SPATA31C2: variants seen among roughly 807,000 people sequenced by gnomAD.
SPATA31C2 encodes the protein SPATA31 subfamily C member 2, also known as spermatogenesis-associated protein 31C2.
In SPATA31C2, 5 loss-of-function variants were observed where a neutral mutation model predicts 11.4. The ratio of observed to expected loss-of-function variants is 0.44; its 90% CI spans 0.23 to 0.92. The LOEUF (loss-of-function observed/expected upper bound fraction) is 0.92, where lower values mean the gene tolerates loss of function less well. SPATA31C2 is among the 40% of genes least tolerant of loss of function. SPATA31C2 has a pLI of 0.24. For synonymous variants in SPATA31C2, 515 were observed against 538.7 expected, an observed-to-expected ratio of 0.96 and a Z score of 0.61; for missense variants, 1,353 against 1,368.6, an observed-to-expected ratio of 0.99 and a Z score of 0.18.
At chr9:88,132,756 T>A (rs754399581) in intron 3 of SPATA31C2, 46 bp from the exon 4 acceptor site, 157 of 1,571,690 alleles carry the variant, frequency 1.0e-4, no homozygotes, top group Non-Finnish European at 1.3e-4. Context: ...GCAGATGGGT[T>A]CGGAGGGCAG....
At chr9:88,135,313 G>T (rs1825665732) in intron 1 of SPATA31C2, among the ~76,000 whole-genome samples, 1 of 111,032 alleles carries the variant, frequency 9.0e-6, no homozygotes, top group Non-Finnish European at 1.6e-5. Flanking sequence ...ATCTGTAGTT[G>T]ACTCTGAAAT....
intron 1 of SPATA31C2, among the ~76,000 whole-genome samples, chr9:88,134,404 C>T (rs1231442498): frequency 6.7e-6 from 1 of 150,168 alleles, no homozygotes; most frequent in East Asian, 2.1e-4. Context: ...AGCCACCTGC[C>T]CCAGGAAGGG....
rs2118714452 is a variant in SPATA31C2 at position 88,132,570 on chromosome 9, G to A, written c.467C>T (p.Ser156Phe). Residue 156 changes from serine (S) to phenylalanine (F), a missense_variant, in exon 4 of 4, where the codon TCC (serine) becomes TTC (phenylalanine). Ser to Phe is a radical substitution (Grantham distance 155). Around this residue, in one of 6 missense-constraint regions of SPATA31C2, gnomAD observed 1,075 missense variants for 992.8 expected, o/e 1.08. Transcript: ENST00000324915. ...EPTEDAAPIVSPLASPDPRTK... is the reference protein window; with the variant it reads ...EPTEDAAPIVFPLASPDPRTK... Reference sequence around the variant, plus strand: ...TCGAGGATCCGGGGAAGCTAACGGGGAGACAATGGGAGCAGCGTCTTCCGT... The same window carrying A: ...TCGAGGATCCGGGGAAGCTAACGGGAAGACAATGGGAGCAGCGTCTTCCGT... 6.2e-7 allele frequency: 1 copy of A among 1,610,560 alleles called. No individual in the cohort carries two copies. Among genetic ancestry groups the A allele is most frequent in the Middle Eastern group, 1.7e-4 (1 of 6,044 alleles).
chr9:88,130,787 A>C lies in SPATA31C2; in HGVS notation c.2250T>G (p.Ser750=). 6.2e-7 allele frequency: 1 copy of C among 1,613,070 alleles called. No homozygotes were observed. Among genetic ancestry groups the C allele is most frequent in the Non-Finnish European group, 8.5e-7 (1 of 1,179,866 alleles). ...QFQRAPRGIP[S]SNDHGSLKAP... ...CCTTCAAGGACCCATGATCATTCGA[A>C]GATGGGATCCCTCGCGGGGCCCTCT... Residue 750 remains serine, a synonymous_variant, in exon 4 of 4, where the codon TCT becomes TCG. Transcript: ENST00000324915.
chr9:88,136,714 C>A (rs1276191450), intron 1 of SPATA31C2, among the ~76,000 whole-genome samples: 3 of 139,486 alleles, frequency 2.2e-5, no homozygotes, highest in Admixed American at 8.0e-5. Flanking sequence ...CCTCCATCTT[C>A]ATATCTGACC....
Position 88,132,491 on chromosome 9 carries a change from G to A in SPATA31C2, c.546C>T (p.Thr182=). The change falls in exon 4 of 4, where the codon ACC becomes ACT. Residue 182 remains threonine (T), a synonymous_variant. Coordinates refer to ENST00000324915, the MANE Select transcript of SPATA31C2 (RefSeq NM_001350978.3). ...ASTPPPGPMT[T]SVSSLSASQP... ...GGGAGGCACTTAGGGAGGAGACTGA[G>A]GTGGTCATTGGGCCTGGTGGTGGGG... 1 of 1,611,048 alleles carries A rather than the reference G, an allele frequency of 6.2e-7. No homozygotes were observed. Among genetic ancestry groups the A allele is most frequent in the Non-Finnish European group, 8.5e-7 (1 of 1,178,000 alleles).
Position 88,137,468 on chromosome 9 carries a change from A to G in SPATA31C2, c.189+790T>C, listed in dbSNP as rs628148. Among the ~76,000 whole-genome samples the G allele has an allele frequency of 7.7e-4, 112 of 145,374 alleles. 7 individuals are homozygous for G. Among genetic ancestry groups the G allele is most frequent in the Middle Eastern group, 3.5e-3 (1 of 282 alleles). On this transcript the variant is annotated intron_variant, in intron 1 of 3. Coordinates refer to ENST00000324915, the MANE Select transcript of SPATA31C2 (RefSeq NM_001350978.3). ...GAAACCCCATCTCTACTAAAAATAC[A>G]AAAATTAGCCAGGCGTGGTGGCGGG...
At position 88,132,200 on chromosome 9, in the gene SPATA31C2, T is replaced by G. The variant is rs746198492; in HGVS notation, c.837A>C (p.Ser279=). ...AGGAGAGGGCAGAAACTTGACTGTT[T>G]GAGCCGCCAAGGCCTGAGATGCCTG... The part of the protein sequence containing the change: ...SVPGISGLGG[S]NSQVSALSWS... The change falls in exon 4 of 4, where the codon TCA becomes TCC. Residue 279 remains serine, a synonymous_variant. Coordinates refer to ENST00000324915, the MANE Select transcript of SPATA31C2 (RefSeq NM_001350978.3). 2 of 1,610,612 alleles carry G rather than the reference T, an allele frequency of 1.2e-6. No homozygotes were observed. The highest frequency in any genetic ancestry group is 1.1e-5 in the South Asian group (1 of 91,024).
chr9:88,131,841 C>T lies in SPATA31C2; in HGVS notation c.1196G>A (p.Arg399Lys), dbSNP rs766590396. ...TTCTAGTTGTTTCTTCAACAAAGGC[C>T]TTTCAGGGTGCTGAGTTTCAGGTAG... ...LSLPETQHPE[R>K]PLLKKQLEGG... Residue 399 changes from arginine to lysine, a missense_variant, in exon 4 of 4, where the codon AGG (arginine) becomes AAG (lysine). Physicochemically the swap from Arg to Lys is conservative, Grantham distance 26. This residue lies in a region of SPATA31C2 where 1,075 missense variants were observed against 992.8 expected (regional missense o/e 1.08). Transcript: ENST00000324915. The T allele has an allele frequency of 1.9e-6, 3 of 1,611,370 alleles. No homozygotes were observed. Among genetic ancestry groups the T allele is most frequent in the East Asian group, 2.2e-5 (1 of 44,840 alleles).
chr9:88,137,347 G>T (rs1034893362), intron 1 of SPATA31C2, among the ~76,000 whole-genome samples: 2 of 146,696 alleles, frequency 1.4e-5, no homozygotes, highest in African/African-American at 5.0e-5. Context: ...AGGATCAGCC[G>T]GGCGCGGTGG....
rs779436981 is a variant in SPATA31C2 at position 88,132,626 on chromosome 9, A to G, written c.411T>C (p.Pro137=). 1.9e-6 allele frequency: 3 copies of G among 1,609,706 alleles called. No homozygotes were observed. The highest frequency in any genetic ancestry group is 4.5e-5 in the East Asian group (2 of 44,626). ...DPPGEVGKRT[P]DGASRSSHEP... The stretch of plus-strand genomic sequence containing the variant: ...CATGAGAGGACCGGGAGGCTCCATC[A>G]GGTGTTCTTTTGCCCACCTCACCTG... Residue 137 remains proline, a synonymous_variant, in exon 4 of 4, where the codon CCT becomes CCC. Transcript: ENST00000324915.
rs480946 is a variant in SPATA31C2, at chr9:88,131,866, G to A, written c.1171C>T (p.Leu391=). The A allele has an allele frequency of 3.4e-5, 55 of 1,610,788 alleles. 1 individual carries two copies. Among genetic ancestry groups the A allele is most frequent in the South Asian group, 2.3e-4 (21 of 90,952 alleles). The change falls in exon 4 of 4, where the codon CTA becomes TTA. Residue 391 remains leucine (L), a synonymous_variant. Transcript: ENST00000324915. ...CTTTCAGGGTGCTGAGTTTCAGGTA[G>A]GGAGAGAGCTTGCACTTTATTCTGC... is the stretch of plus-strand genomic sequence containing the variant. The part of the protein sequence containing the change: ...ASQNKVQALS[L]PETQHPERPL...
Position 88,130,981 on chromosome 9 carries a change from C to G in SPATA31C2, c.2056G>C (p.Ala686Pro). 1 of 1,612,634 alleles carries G rather than the reference C, an allele frequency of 6.2e-7. No individual in the cohort carries two copies. Among genetic ancestry groups the G allele is most frequent in the Non-Finnish European group, 8.5e-7 (1 of 1,179,874 alleles). Residue 686 changes from alanine (A) to proline (P), a missense_variant, in exon 4 of 4, where the codon GCT becomes CCT. By Grantham distance (27) the Ala-to-Pro change is conservative. Transcript: ENST00000324915. ...KVSSLSLIQL[A>P]GPSSDTCESG... is the part of the protein sequence containing the mutation. The stretch of plus-strand genomic sequence containing the variant: ...TCGCAGGTGTCTGAGGAGGGACCAG[C>G]AAGCTGTATAAGGGACAAGGATGAA...
rs1825605767 is a variant in SPATA31C2 at position 88,132,009 on chromosome 9, A to G, written c.1028T>C (p.Phe343Ser). 2.5e-6 allele frequency: 4 copies of G among 1,610,926 alleles called. No homozygotes were observed. The East Asian group carries it at 8.9e-5, about 36-fold the overall frequency. The change falls in exon 4 of 4, where the codon TTC (phenylalanine) becomes TCC (serine). Residue 343 changes from phenylalanine (F) to serine (S), a missense_variant. Phe to Ser is a radical substitution (Grantham distance 155). Around this residue, in one of 6 missense-constraint regions of SPATA31C2, gnomAD observed 1,075 missense variants for 992.8 expected, o/e 1.08. Coordinates refer to ENST00000324915, the MANE Select transcript of SPATA31C2 (RefSeq NM_001350978.3). ...GGCCTGAGCCATAGGTGTGGGCCAG[A>G]ATTGGGGTGTGGATGAAATAAAGGG... ...SQPFISSTPQ[F>S]WPTPMAQAEA...
In SPATA31C2 at chr9:88,132,241, A is replaced by C. The variant is rs763904815; in HGVS notation, c.796T>G (p.Leu266Val). ...VPQSLSPRED[L>V]AASVPGISGL... is the part of the protein sequence containing the mutation. ...GAGATGCCTGGGACAGAAGCCGCCA[A>C]ATCCTCACGTGGAGACAAGCTTTGA... Residue 266 changes from leucine to valine, a missense_variant, in exon 4 of 4, where the codon TTG becomes GTG. Around this residue, in one of 6 missense-constraint regions of SPATA31C2, gnomAD observed 1,075 missense variants for 992.8 expected, o/e 1.08. Transcript: ENST00000324915. The C allele has an allele frequency of 2.5e-6, 4 of 1,610,762 alleles. No homozygotes were observed. In the South Asian group the frequency reaches 4.4e-5, roughly 18 times the overall value.
In SPATA31C2 at chr9:88,130,868, T is replaced by C; in HGVS notation, c.2169A>G (p.Pro723=). Residue 723 remains proline (P), a synonymous_variant, in exon 4 of 4, where the codon CCA becomes CCG. Transcript: ENST00000324915. ...ASLRKQVLTK[P]SVHMPERLQA... is the part of the protein sequence containing the mutation. ...GAAGCCTCTCTGGCATGTGAACAGA[T>C]GGTTTGGTCAGCACCTGCTTTCTCA... is the stretch of plus-strand genomic sequence containing the variant. The C allele has an allele frequency of 6.2e-7, 1 of 1,613,734 alleles. No homozygotes were observed. Among genetic ancestry groups the C allele is most frequent in the Non-Finnish European group, 8.5e-7 (1 of 1,179,880 alleles).
rs529939538 is a variant in SPATA31C2 at position 88,137,495 on chromosome 9, G to T, written c.189+763C>A. On this transcript the variant is annotated intron_variant, in intron 1 of 3. Coordinates refer to ENST00000324915, the MANE Select transcript of SPATA31C2 (RefSeq NM_001350978.3). ...AAATTAGCCAGGCGTGGTGGCGGGC[G>T]CCTGTAATCCCCAGCTACTCAGGAC... 2.2e-3 allele frequency among the ~76,000 whole-genome samples: 318 copies of T among 143,052 alleles called. 13 individuals are homozygous for T. The highest frequency in any genetic ancestry group is 8.0e-3 in the African/African-American group (310 of 38,964). The allele number at this position is 143,052 out of a possible 152,430, so 93.8% of individuals were successfully genotyped here.
At position 88,130,455 on chromosome 9, in the gene SPATA31C2, G is replaced by C. The variant is rs1825569181; in HGVS notation, c.2582C>G (p.Pro861Arg). 2 of 1,613,306 alleles carry C rather than the reference G, an allele frequency of 1.2e-6. No homozygotes were observed. The highest frequency in any genetic ancestry group is 1.7e-6 in the Non-Finnish European group (2 of 1,179,520). ...GGTCTCTGACTTCGTGGCCTTTCCA[G>C]GCTCAAATTCACTAACAGCCTCCTC... ...LMEEAVSEFE[P>R]GKATKSETQP... The change falls in exon 4 of 4, where the codon CCT (proline) becomes CGT (arginine). Residue 861 changes from proline (P) to arginine (R), a missense_variant. By Grantham distance (103) the Pro-to-Arg change is moderately radical (BLOSUM62 -2). Around this residue, in one of 6 missense-constraint regions of SPATA31C2, gnomAD observed 1,075 missense variants for 992.8 expected, o/e 1.08. Coordinates refer to ENST00000324915, the MANE Select transcript of SPATA31C2 (RefSeq NM_001350978.3).
In SPATA31C2 at chr9:88,130,267, C is replaced by A; in HGVS notation, c.2770G>T (p.Ala924Ser). The change falls in exon 4 of 4, where the codon GCC becomes TCC. Residue 924 changes from alanine to serine, a missense_variant. Physicochemically the swap from Ala to Ser is moderately conservative, Grantham distance 99. This residue lies in a region of SPATA31C2 where 1,075 missense variants were observed against 992.8 expected (regional missense o/e 1.08). Coordinates refer to ENST00000324915, the MANE Select transcript of SPATA31C2 (RefSeq NM_001350978.3). ...TTGTGCCCCATGTTACTCCTTCTGG[C>A]TGACATGAGGTCACATAGCTCCTGG... is the stretch of plus-strand genomic sequence containing the variant. ...ASQELCDLMS[A>S]RRSNMGHKEP... 2 of 1,609,454 alleles carry A rather than the reference C, an allele frequency of 1.2e-6. No individual in the cohort carries two copies. The highest frequency in any genetic ancestry group is 2.3e-4 in the Middle Eastern group (1 of 4,420).
Sources: gnomAD v4.1 joint callset for allele counts (sites outside exome capture counted in the v4.1 genomes callset) on GRCh38, gnomAD v4.1.1 for gene constraint, gnomAD v4.1.1 regional missense constraint, MANE v1.5 for transcripts, NCBI Gene and HGNC (gene_info 2026-07-23, HGNC 2026-07-21) for gene names.